Variants in XKR6 observed in about 807,000 individuals in gnomAD.
XKR6 encodes the protein XK-related protein 6.
A neutral mutation model predicts 56.7 loss-of-function variants in XKR6; 22 were observed. The ratio of observed to expected loss-of-function variants is 0.39; its 90% CI spans 0.28 to 0.55. The LOEUF (loss-of-function observed/expected upper bound fraction) is 0.55. Among genes scored for constraint, XKR6 ranks in the 20% least tolerant of loss-of-function variants. The pLI, the probability that XKR6 is intolerant of heterozygous loss-of-function variation, is 0.66. For missense variants in XKR6, 852 were observed against 889.0 expected, an observed-to-expected ratio of 0.96 and a Z score of 0.53; for synonymous variants, 524 against 387.8, an observed-to-expected ratio of 1.35 and a Z score of -4.13.
At chr8:11,081,263 G>C (rs1232581976) in intron 1 of XKR6, among the ~76,000 whole-genome samples, 1 of 152,206 alleles carries the variant, frequency 6.6e-6, no homozygotes, top group East Asian at 1.9e-4. Context: ...TTTACCTTTA[G>C]CTTGACCTCG....
chr8:11,197,378 A>T (rs7822804), intron 1 of XKR6, among the ~76,000 whole-genome samples: 144,901 of 152,310 alleles, frequency 0.95, 68,988 homozygotes, highest in East Asian at 1. Context: ...GGACAATAGC[A>T]GAAAGGAAAA....
intron 1 of XKR6, among the ~76,000 whole-genome samples, chr8:11,144,325 G>T (rs1173657585): frequency 1.3e-5 from 2 of 149,900 alleles, no homozygotes; most frequent in Non-Finnish European, 3.0e-5. Context: ...GAAGAAGCGG[G>T]TATAACCCCA....
At chr8:11,093,634 T>A (rs1239941298) in intron 1 of XKR6, among the ~76,000 whole-genome samples, 6 of 142,088 alleles carry the variant, frequency 4.2e-5, no homozygotes, top group Admixed American at 4.1e-4. Context: ...TATTTTATAC[T>A]TAAATATTGG....
intron 1 of XKR6, among the ~76,000 whole-genome samples, chr8:10,995,056 A>T (rs1014510077): frequency 1.3e-5 from 2 of 152,228 alleles, no homozygotes; most frequent in Non-Finnish European, 2.9e-5. Flanking sequence ...ATTGTCTGAG[A>T]AGGCCCTGCA....
intron 1 of XKR6, among the ~76,000 whole-genome samples, chr8:11,183,735 G>A (rs966096123): frequency 6.6e-6 from 1 of 152,284 alleles, no homozygotes; most frequent in Admixed American, 6.5e-5. Context: ...GAGGTCCTAA[G>A]ATCTGTGTTG....
chr8:11,024,853 A>G (rs1363273977), intron 1 of XKR6, among the ~76,000 whole-genome samples: 1 of 152,226 alleles, frequency 6.6e-6, no homozygotes, highest in Non-Finnish European at 1.5e-5. Context: ...GAAGTGGACC[A>G]TCCATCCCTA....
intron 1 of XKR6, among the ~76,000 whole-genome samples, chr8:11,016,570 C>T (rs1252611704): frequency 1.3e-5 from 2 of 152,228 alleles, no homozygotes; most frequent in Non-Finnish European, 2.9e-5. Flanking sequence ...TCCCCGTCCG[C>T]GCCCCGACAG....
intron 1 of XKR6, among the ~76,000 whole-genome samples, chr8:11,097,472 CTT>C (rs564669267): frequency 0.06 from 7,155 of 118,370 alleles, 394 homozygotes; most frequent in African/African-American, 0.16. Context: ...GCAATATTTT[CTT>C]TTTTTTTTTA....
intron 2 of XKR6, among the ~76,000 whole-genome samples, chr8:10,903,435 G>T (rs1443280696): frequency 6.6e-6 from 1 of 152,268 alleles, no homozygotes; most frequent in East Asian, 1.9e-4. Context: ...GGAGAACTTG[G>T]CAGGATTCAC....
intron 1 of XKR6, among the ~76,000 whole-genome samples, chr8:11,016,485 C>G (rs2129147322): frequency 6.6e-6 from 1 of 152,334 alleles, no homozygotes; most frequent in Middle Eastern, 3.4e-3. Flanking sequence ...GATCCTGAGC[C>G]CTCTGCTTCA....
chr8:11,104,075 G>A (rs1299776618), intron 1 of XKR6, among the ~76,000 whole-genome samples: 1 of 152,180 alleles, frequency 6.6e-6, no homozygotes, highest in Non-Finnish European at 1.5e-5. Context: ...ACAGAAAGCA[G>A]GTGTCTGCCT....
At chr8:11,046,670 G>C (rs1043242394) in intron 1 of XKR6, among the ~76,000 whole-genome samples, 5 of 152,170 alleles carry the variant, frequency 3.3e-5, no homozygotes, top group Non-Finnish European at 5.9e-5. Context: ...GTAGTGCTAA[G>C]TGAAATAAGC....
At chr8:10,910,627 C>T (rs1378393715) in intron 2 of XKR6, among the ~76,000 whole-genome samples, 1 of 152,210 alleles carries the variant, frequency 6.6e-6, no homozygotes, top group Non-Finnish European at 1.5e-5. Flanking sequence ...GGCTGGCGGC[C>T]ACTCTGGGAA....
intron 1 of XKR6, among the ~76,000 whole-genome samples, chr8:11,038,243 G>A (rs558622956): frequency 1.3e-5 from 2 of 152,152 alleles, no homozygotes; most frequent in African/African-American, 2.4e-5. Context: ...GTGAGCTTGT[G>A]TAGGATTTAA....
chr8:11,091,139 G>C (rs1267368097), intron 1 of XKR6, among the ~76,000 whole-genome samples: 1 of 152,130 alleles, frequency 6.6e-6, no homozygotes, highest in African/African-American at 2.4e-5. Context: ...TAGAGAAAAA[G>C]CAAGACAAAG....
At chr8:11,153,833 C>T (rs1801377258) in intron 1 of XKR6, among the ~76,000 whole-genome samples, 2 of 152,224 alleles carry the variant, frequency 1.3e-5, no homozygotes, top group Admixed American at 1.3e-4. Context: ...AACAGATCCT[C>T]ATGCTCCTTT....
rs547709816 is a variant in XKR6, at chr8:11,099,968, C to G, written c.764+100608G>C. Among the ~76,000 whole-genome samples, 609 of 152,202 alleles carry G rather than the reference C, an allele frequency of 4.0e-3. 5 individuals are homozygous for G. Among genetic ancestry groups the G allele is most frequent in the African/African-American group, 0.014 (567 of 41,528 alleles). On this transcript the variant is annotated intron_variant, in intron 1 of 2. Transcript: ENST00000416569. The stretch of plus-strand genomic sequence containing the variant: ...CAGCAAATGCAAGGGCCCTGAGGCA[C>G]GGGGGAGTAGGGCACCCTAGCGGGT...
rs562632751 is a variant in XKR6 at position 10,911,010 on chromosome 8, T to A, written c.962-12094A>T. Among the ~76,000 whole-genome samples the A allele has an allele frequency of 3.3e-5, 5 of 152,196 alleles. No individual in the cohort carries two copies. The South Asian group carries it at 6.2e-4, about 19-fold the overall frequency. On this transcript the variant is annotated intron_variant, in intron 2 of 2. Transcript: ENST00000416569. ...CACAATGCCCTGTTGCTCCCAGAAG[T>A]GGCTGTGTTTTGACAGAGGCAGTGA...
At chr8:11,124,027 A>G (rs555510629) in intron 1 of XKR6, 184 of 456,070 alleles carry the variant, frequency 4.0e-4, no homozygotes, top group African/African-American at 3.0e-3. Flanking sequence ...TCAAATCCCA[A>G]GCAATCTCTA....
Sources: gnomAD v4.1 joint callset for allele counts (sites outside exome capture counted in the v4.1 genomes callset) on GRCh38, gnomAD v4.1.1 for gene constraint, MANE v1.5 for transcripts, NCBI Gene and HGNC (gene_info 2026-07-23, HGNC 2026-07-21) for gene names.